TENM3: variants seen among roughly 807,000 people sequenced by gnomAD.
TENM3 encodes the protein teneurin-3.
In TENM3, 63 loss-of-function variants were observed where a neutral mutation model predicts 255.1. The ratio of observed to expected loss-of-function variants is 0.25; its 90% CI spans 0.20 to 0.30. The LOEUF (loss-of-function observed/expected upper bound fraction) is 0.30. Ranked by LOEUF, TENM3 falls within the 10% of genes least tolerant of loss-of-function variation. TENM3 has a pLI of 1.00. For synonymous variants in TENM3, 1,306 were observed against 1,322.3 expected, an observed-to-expected ratio of 0.99 and a Z score of 0.27; for missense variants, 2,929 against 3,461.1, an observed-to-expected ratio of 0.85 and a Z score of 3.86.
the TENM3 span, among the ~76,000 whole-genome samples, chr4:181,736,628 C>G: frequency 6.6e-6 from 1 of 151,916 alleles, no homozygotes; most frequent in Non-Finnish European, 1.5e-5. Context: ...GGCCACATAG[C>G]TTTATGTGAG....
At chr4:182,327,618 CATT>C (rs1239922940) in intron 2 of TENM3, among the ~76,000 whole-genome samples, 6 of 152,138 alleles carry the variant, frequency 3.9e-5, no homozygotes, top group Non-Finnish European at 7.4e-5. Flanking sequence ...TCTTCACAGT[CATT>C]GTGTAATTTG....
In TENM3 at chr4:182,598,498, C is replaced by G. The variant is rs146194220; in HGVS notation, c.512-2426C>G. On this transcript the variant is annotated intron_variant, in intron 3 of 27. Coordinates refer to ENST00000511685, the MANE Select transcript of TENM3 (RefSeq NM_001080477.4). ...AAGCAGCAGCTGCTTATTTTTGAAA[C>G]CTTAATGGAAGTTTTCCCAATGGTT... Among the ~76,000 whole-genome samples, 102 of 149,776 alleles carry G rather than the reference C, an allele frequency of 6.8e-4. 1 individual carries two copies. Among genetic ancestry groups the G allele is most frequent in the African/African-American group, 2.1e-3 (87 of 41,460 alleles).
the TENM3 span, among the ~76,000 whole-genome samples, chr4:181,974,668 C>T: frequency 2.6e-5 from 4 of 152,246 alleles, 1 homozygote; most frequent in South Asian, 4.1e-4. Context: ...GTCAGACCAT[C>T]GAGGCTCCTT....
the TENM3 span, among the ~76,000 whole-genome samples, chr4:181,967,395 G>A: frequency 1.7e-4 from 26 of 152,260 alleles, no homozygotes; most frequent in Admixed American, 2.6e-4. Context: ...AAAAGAGCAC[G>A]TAGCAAGTAG....
intron 3 of TENM3, among the ~76,000 whole-genome samples, chr4:182,585,874 T>G (rs1745971220): frequency 1.3e-5 from 2 of 152,200 alleles, no homozygotes; most frequent in South Asian, 4.1e-4. Flanking sequence ...ACCTTTATGT[T>G]GAGAGGAAGG....
chr4:182,678,912 GA>G (rs1450329794), intron 7 of TENM3, among the ~76,000 whole-genome samples: 1 of 152,122 alleles, frequency 6.6e-6, no homozygotes, highest in Non-Finnish European at 1.5e-5. Flanking sequence ...CTAAAAAAGT[GA>G]ATGAGCAGAA....
Position 182,681,803 on chromosome 4 carries a change from CT to C in TENM3, c.1835-8del. On this transcript the variant is annotated splice_polypyrimidine_tract_variant and intron_variant, in intron 10 of 27. Transcript: ENST00000511685. ...CTGGATTTAATAAAATTGTTCTTTTCTTTACACCAGCTGACTGTATAGACCC... is the reference window on the plus strand; with the variant it reads ...CTGGATTTAATAAAATTGTTCTTTTCTTACACCAGCTGACTGTATAGACCC... 1.3e-6 allele frequency: 2 copies of C among 1,598,440 alleles called. No homozygotes were observed. The highest frequency in any genetic ancestry group is 1.7e-6 in the Non-Finnish European group (2 of 1,169,514).
the TENM3 span, among the ~76,000 whole-genome samples, chr4:182,041,001 G>T: frequency 6.6e-6 from 1 of 152,182 alleles, no homozygotes; most frequent in South Asian, 2.1e-4. Flanking sequence ...GGTTTAAAAT[G>T]ACTGAGTGAC....
chr4:181,628,011 T>A, the TENM3 span, among the ~76,000 whole-genome samples: 27 of 152,326 alleles, frequency 1.8e-4, no homozygotes, highest in East Asian at 4.8e-3. Context: ...GTTTCCTGAC[T>A]TTTTAATGAT....
chr4:182,627,608 G>A (rs934110566), intron 4 of TENM3, among the ~76,000 whole-genome samples: 5 of 568 alleles, frequency 8.8e-3, no homozygotes, highest in Admixed American at 0.074. Context: ...GAATGTATTA[G>A]GAACATCGTA....
Position 182,800,563 on chromosome 4 carries a change from C to G in TENM3, c.*212C>G. 3.7e-6 allele frequency: 2 copies of G among 538,732 alleles called. No homozygotes were observed. The highest frequency in any genetic ancestry group is 7.5e-5 in the Admixed American group (2 of 26,596). 33.4% of individuals were successfully genotyped at this position (538,732 alleles called of 1,614,324 possible). A position where few individuals can be genotyped will look rare whatever the true frequency, so the allele number is the denominator to read the frequency against. ...AACGAATATGTTTACATATGCATAGCGCTGCACTCAGTCGGACTGAACGTA... is the reference window on the plus strand; with the variant it reads ...AACGAATATGTTTACATATGCATAGGGCTGCACTCAGTCGGACTGAACGTA... On this transcript the variant is annotated 3_prime_UTR_variant, in exon 28 of 28. Coordinates refer to ENST00000511685, the MANE Select transcript of TENM3 (RefSeq NM_001080477.4).
intron 3 of TENM3, among the ~76,000 whole-genome samples, chr4:182,404,917 A>T (rs1028632811): frequency 6.6e-6 from 1 of 152,154 alleles, no homozygotes; most frequent in Non-Finnish European, 1.5e-5. Flanking sequence ...GCTCTCCATC[A>T]TCGCCGGTCA....
At chr4:181,888,585 T>C in the TENM3 span, among the ~76,000 whole-genome samples, 1 of 53,364 alleles carries the variant, frequency 1.9e-5, no homozygotes, top group South Asian at 9.7e-4. Flanking sequence ...TATACATATA[T>C]ATATGCGTGT....
At chr4:182,400,382 G>A (rs1221742351) in intron 3 of TENM3, among the ~76,000 whole-genome samples, 1 of 152,078 alleles carries the variant, frequency 6.6e-6, no homozygotes, top group Non-Finnish European at 1.5e-5. Flanking sequence ...ACCTAAAATG[G>A]ATAACCTTTA....
rs1192792976 is a variant in TENM3, at chr4:182,656,003, A to G, written c.1111+2110A>G. Among the ~76,000 whole-genome samples the G allele has an allele frequency of 2.6e-5, 4 of 152,196 alleles. 1 individual carries two copies. Among genetic ancestry groups the G allele is most frequent in the African/African-American group, 7.2e-5 (3 of 41,448 alleles). ...TACTTTATGAAATATTGTGCTCTGT[A>G]ATTTCAGAAATACTGCTTTGGTAGC... On this transcript the variant is annotated intron_variant, in intron 6 of 27. Coordinates refer to ENST00000511685, the MANE Select transcript of TENM3 (RefSeq NM_001080477.4).
the TENM3 span, among the ~76,000 whole-genome samples, chr4:181,747,420 A>C: frequency 1.3e-5 from 2 of 152,092 alleles, no homozygotes; most frequent in East Asian, 3.9e-4. Context: ...ACAGATCCCA[A>C]GTACGCTTTG....
At chr4:182,778,594 G>A (rs183125697) in intron 24 of TENM3, among the ~76,000 whole-genome samples, 59 of 152,246 alleles carry the variant, frequency 3.9e-4, no homozygotes, top group African/African-American at 1.4e-3. Flanking sequence ...GGCTAAGTGA[G>A]TGTAATTCCA....
intron 13 of TENM3, among the ~76,000 whole-genome samples, chr4:182,725,697 G>A (rs528467135): frequency 4.0e-5 from 6 of 148,546 alleles, no homozygotes; most frequent in Admixed American, 3.4e-4. Flanking sequence ...GTGCAGTGGC[G>A]CGATCTCGGC....
intron 22 of TENM3, among the ~76,000 whole-genome samples, chr4:182,759,221 T>C (rs890334402): frequency 1.3e-5 from 2 of 152,342 alleles, no homozygotes; most frequent in South Asian, 2.1e-4. Context: ...ACTCCCATTA[T>C]CTTTGTGGCT....
Sources: allele counts gnomAD v4.1 joint callset (sites outside exome capture counted in the v4.1 genomes callset), GRCh38; gene constraint gnomAD v4.1.1; transcripts MANE v1.5; gene names NCBI Gene and HGNC (gene_info 2026-07-23, HGNC 2026-07-21).